The following ZNF253 variants were observed in gnomAD, a reference collection of about 807,000 sequenced individuals.
ZNF253 encodes the protein DNA-binding protein.
Under a neutral mutation model 11.9 loss-of-function variants are expected in ZNF253, and 8 were observed. The ratio of observed to expected loss-of-function variants is 0.67; its 90% CI spans 0.40 to 1.22. The LOEUF (loss-of-function observed/expected upper bound fraction) is 1.22, where lower values mean the gene tolerates loss of function less well. Ranked by LOEUF, ZNF253 falls within the 50% of genes most tolerant of loss-of-function variation. The probability of loss-of-function intolerance (pLI) is 0.01; values close to 1 mark genes in which losing one functional copy is unlikely to be tolerated. For missense variants in ZNF253, 485 were observed against 586.9 expected (o/e 0.83, Z 1.79); for synonymous variants, 194 against 194.9 (o/e 1.00, Z 0.04).
At position 19,893,011 on chromosome 19, in the gene ZNF253, CTT is replaced by C; in HGVS notation, c.*265_*266del. 2.6e-6 allele frequency: 1 copy of C among 388,622 alleles called. No individual in the cohort carries two copies. The highest frequency in any genetic ancestry group is 4.6e-6 in the Non-Finnish European group (1 of 219,718). 24.1% of individuals were successfully genotyped at this position (388,622 alleles called of 1,614,324 possible). Reference sequence around the variant, plus strand: ...TTTTTTTTTGAGATGGAGTTTCACTCTTGTCACCGAGGCTGGAGTGCAATGAC... The same window carrying C: ...TTTTTTTTTGAGATGGAGTTTCACTCGTCACCGAGGCTGGAGTGCAATGAC... On this transcript the variant is annotated 3_prime_UTR_variant, in exon 4 of 4. Coordinates refer to ENST00000589717, the MANE Select transcript of ZNF253 (RefSeq NM_021047.3).
intron 3 of ZNF253, among the ~76,000 whole-genome samples, chr19:19,888,653 G>T (rs567012998): frequency 1.7e-3 from 251 of 152,014 alleles, no homozygotes; most frequent in Non-Finnish European, 2.2e-3. Flanking sequence ...TTCTACTTAT[G>T]TTATATATTC....
At chr19:19,880,683 C>A (rs1241152780) in intron 3 of ZNF253, among the ~76,000 whole-genome samples, 1 of 147,340 alleles carries the variant, frequency 6.8e-6, no homozygotes, top group African/African-American at 2.5e-5. Flanking sequence ...CCAGCCTGGG[C>A]AACAGAGCGA....
intron 1 of ZNF253, among the ~76,000 whole-genome samples, chr19:19,871,628 A>T (rs1469606224): frequency 6.6e-6 from 1 of 152,178 alleles, no homozygotes; most frequent in Non-Finnish European, 1.5e-5. Context: ...ACATACACAG[A>T]TGGCCTCTTC....
At chr19:19,874,120 G>C (rs995187483) in intron 1 of ZNF253, among the ~76,000 whole-genome samples, 3 of 152,030 alleles carry the variant, frequency 2.0e-5, no homozygotes, top group African/African-American at 7.2e-5. Context: ...ATGATGGTCA[G>C]GCTGGTCTTT....
At chr19:19,890,178 T>C (rs1165626309) in intron 3 of ZNF253, among the ~76,000 whole-genome samples, 2 of 152,202 alleles carry the variant, frequency 1.3e-5, no homozygotes, top group East Asian at 1.9e-4. Context: ...TTCTCAAACA[T>C]GTTTTTAGGA....
chr19:19,882,247 G>T (rs1015602402), intron 3 of ZNF253, among the ~76,000 whole-genome samples: 1 of 151,860 alleles, frequency 6.6e-6, no homozygotes, highest in Non-Finnish European at 1.5e-5. Context: ...ATATAGTTTT[G>T]TATTGGTATC....
intron 1 of ZNF253, among the ~76,000 whole-genome samples, chr19:19,866,978 A>G (rs2063114186): frequency 6.6e-6 from 1 of 152,214 alleles, no homozygotes; most frequent in African/African-American, 2.4e-5. Flanking sequence ...ACAAGGAACA[A>G]GAAAGTTAGG....
chr19:19,865,912 T>C lies in ZNF253; in HGVS notation c.-85T>C, dbSNP rs975241394. On this transcript the variant is annotated 5_prime_UTR_variant, in exon 1 of 4. Coordinates refer to ENST00000589717, the MANE Select transcript of ZNF253 (RefSeq NM_021047.3). ...TCCTCAGTGTTCTGTGTCCTGTGCT[T>C]ATAGAGGCCCGTCCTCTGTGGCCGT... The C allele has an allele frequency of 6.5e-7, 1 of 1,549,776 alleles. No homozygotes were observed.
chr19:19,883,872 A>G (rs1446487522), intron 3 of ZNF253, among the ~76,000 whole-genome samples: 1 of 146,778 alleles, frequency 6.8e-6, no homozygotes, highest in East Asian at 2.1e-4. Context: ...CCTGACCAAC[A>G]TGGAAAAACC....
At chr19:19,889,491 G>A (rs2063220133) in intron 3 of ZNF253, among the ~76,000 whole-genome samples, 1 of 152,052 alleles carries the variant, frequency 6.6e-6, no homozygotes, top group Admixed American at 6.6e-5. Context: ...GATTACAGGT[G>A]CATGCTGCCA....
chr19:19,875,531 A>G (rs2063151568), intron 1 of ZNF253, among the ~76,000 whole-genome samples: 1 of 151,910 alleles, frequency 6.6e-6, no homozygotes. Context: ...AAGTAGCTGG[A>G]ACTACGGGCA....
In ZNF253 at chr19:19,891,782, A is replaced by G. The variant is rs1265093941; in HGVS notation, c.535A>G (p.Lys179Glu). Residue 179 changes from lysine (K) to glutamate (E), a missense_variant, in exon 4 of 4, where the codon AAA (lysine) becomes GAA (glutamate). Around this residue, in one of 3 missense-constraint regions of ZNF253, gnomAD observed 218 missense variants for 213.1 expected, o/e 1.02. Transcript: ENST00000589717. The part of the protein sequence containing the change: ...INLFKCIICG[K>E]AFKRSSTLTT... ...TCTTTTCAAATGTATAATATGTGGCAAAGCTTTTAAACGGTCCTCAACCCT... is the reference window on the plus strand; with the variant it reads ...TCTTTTCAAATGTATAATATGTGGCGAAGCTTTTAAACGGTCCTCAACCCT... 4.3e-6 allele frequency: 7 copies of G among 1,614,162 alleles called. No homozygotes were observed. The highest frequency in any genetic ancestry group is 5.9e-6 in the Non-Finnish European group (7 of 1,180,012).
At chr19:19,887,133 A>G (rs781508527) in intron 3 of ZNF253, among the ~76,000 whole-genome samples, 37 of 152,010 alleles carry the variant, frequency 2.4e-4, no homozygotes, top group Non-Finnish European at 4.3e-4. Flanking sequence ...TTATGACCAC[A>G]TCACTCAATT....
intron 3 of ZNF253, among the ~76,000 whole-genome samples, chr19:19,885,214 G>T (rs2063193566): frequency 1.4e-5 from 2 of 140,340 alleles, no homozygotes; most frequent in Non-Finnish European, 3.2e-5. Flanking sequence ...TCTTTTTTTT[G>T]TATTCTTTCT....
rs2063244804 is a variant in ZNF253, at chr19:19,894,082, GA to G, written c.*1337del. On this transcript the variant is annotated 3_prime_UTR_variant, in exon 4 of 4. Coordinates refer to ENST00000589717, the MANE Select transcript of ZNF253 (RefSeq NM_021047.3). ...TGTAAATATCAGAGAATTTTCCATA[GA>G]ATAATTAAGGCACTGACACTTCAGA... 1 of 152,134 alleles carries G rather than the reference GA, an allele frequency of 6.6e-6. No homozygotes were observed. Among genetic ancestry groups the G allele is most frequent in the South Asian group, 2.1e-4 (1 of 4,822 alleles). 9.4% of individuals were successfully genotyped at this position (152,134 alleles called of 1,614,324 possible).
chr19:19,894,642 ATTATT>A lies in ZNF253; in HGVS notation c.*1901_*1905del, dbSNP rs1002256376. 5.9e-5 allele frequency: 9 copies of A among 152,324 alleles called. No individual in the cohort carries two copies. The highest frequency in any genetic ancestry group is 2.1e-4 in the South Asian group (1 of 4,824). 9.4% of individuals were successfully genotyped at this position (152,324 alleles called of 1,614,324 possible). A position where few individuals can be genotyped will look rare whatever the true frequency, so the allele number is the denominator to read the frequency against. On this transcript the variant is annotated 3_prime_UTR_variant, in exon 4 of 4. Transcript: ENST00000589717. ...AACTTTTTTTCAAAAATCATAATGA[ATTATT>A]TTATTAATAAGCAAAGATAAAAAAT...
intron 3 of ZNF253, among the ~76,000 whole-genome samples, chr19:19,888,049 CT>C (rs2063213574): frequency 6.6e-6 from 1 of 151,904 alleles, no homozygotes; most frequent in Non-Finnish European, 1.5e-5. Flanking sequence ...GAAAAACTTA[CT>C]AATGTTATCT....
At chr19:19,869,704 C>G (rs2063125724) in intron 1 of ZNF253, among the ~76,000 whole-genome samples, 1 of 112,946 alleles carries the variant, frequency 8.9e-6, no homozygotes, top group African/African-American at 3.5e-5. Context: ...CAGTCTTACT[C>G]TGTTGCCCAG....
At chr19:19,889,064 A>C (rs1399244428) in intron 3 of ZNF253, among the ~76,000 whole-genome samples, 1 of 151,560 alleles carries the variant, frequency 6.6e-6, no homozygotes, top group Non-Finnish European at 1.5e-5. Flanking sequence ...ATCTTGCAGC[A>C]CCCAAAATTC....
Sources: gnomAD v4.1 joint callset for allele counts (sites outside exome capture counted in the v4.1 genomes callset) on GRCh38, gnomAD v4.1.1 for gene constraint, gnomAD v4.1.1 regional missense constraint, MANE v1.5 for transcripts, NCBI Gene and HGNC (gene_info 2026-07-23, HGNC 2026-07-21) for gene names.